Variants in ANKUB1 observed in about 807,000 individuals in gnomAD.
ANKUB1 encodes protein ANKUB1.
Under a neutral mutation model 49.3 loss-of-function variants are expected in ANKUB1, and 42 were observed. The observed-to-expected ratio is 0.85, with a 90% CI of 0.67 to 1.10. The LOEUF (loss-of-function observed/expected upper bound fraction) is 1.10. Ranked by LOEUF, ANKUB1 falls within the 50% of genes least tolerant of loss-of-function variation. ANKUB1 has a pLI of 0.00. For missense variants in ANKUB1, 613 were observed against 642.0 expected (o/e 0.95, Z 0.49); for synonymous variants, 222 against 231.0 (o/e 0.96, Z 0.35).
chr3:149,770,003 C>CT (rs1717256611), intron 4 of ANKUB1, among the ~76,000 whole-genome samples: 1 of 152,114 alleles, frequency 6.6e-6, no homozygotes, highest in Non-Finnish European at 1.5e-5. Flanking sequence ...CCCTTCTCCT[C>CT]TTTCTCCCCC....
rs1716775565 is a variant in ANKUB1, at chr3:149,761,363, A to G, written c.*121T>C. ...GGTGTTAAATATCCTATTAAAAGTT[A>G]TGTGGCATTATAACTGTTACTAGAG... On this transcript the variant is annotated 3_prime_UTR_variant, in exon 6 of 6. Coordinates refer to ENST00000446160, the MANE Select transcript of ANKUB1 (RefSeq NM_001144960.3). The G allele has an allele frequency of 4.3e-6, 5 of 1,172,338 alleles. No individual in the cohort carries two copies. The highest frequency in any genetic ancestry group is 5.9e-6 in the Non-Finnish European group (5 of 853,100). 72.6% of individuals were successfully genotyped at this position (1,172,338 alleles called of 1,614,324 possible).
chr3:149,792,472 G>T lies in ANKUB1; in HGVS notation c.-106C>A. Reference sequence around the variant, plus strand: ...ATTAAGGACAAAAATGATAGCCAGAGGCAGCTGTCACTGTCTAGCCTCAAA... The same window carrying T: ...ATTAAGGACAAAAATGATAGCCAGATGCAGCTGTCACTGTCTAGCCTCAAA... On this transcript the variant is annotated 5_prime_UTR_variant, in exon 1 of 6. Transcript: ENST00000446160. 1.1e-6 allele frequency: 1 copy of T among 885,010 alleles called. No individual in the cohort carries two copies. Among genetic ancestry groups the T allele is most frequent in the Non-Finnish European group, 1.6e-6 (1 of 612,426 alleles). The allele number at this position is 885,010 out of a possible 1,614,324, so 54.8% of individuals were successfully genotyped here.
intron 3 of ANKUB1, 108 bp downstream of exon 3, chr3:149,780,131 T>C (rs1401619925): frequency 2.4e-6 from 2 of 837,186 alleles, no homozygotes; most frequent in Non-Finnish European, 3.8e-6. Flanking sequence ...AGTTAACAGA[T>C]TGTATATGAA....
chr3:149,765,624 G>A (rs973154978), intron 5 of ANKUB1, among the ~76,000 whole-genome samples: 1 of 151,804 alleles, frequency 6.6e-6, no homozygotes, highest in African/African-American at 2.4e-5. Context: ...CACAGCACTG[G>A]GCTATAGTAA....
chr3:149,776,796 A>G (rs569017522), intron 3 of ANKUB1, among the ~76,000 whole-genome samples: 13 of 129,736 alleles, frequency 1.0e-4, no homozygotes, highest in Admixed American at 2.4e-4. Context: ...CCCTGTCTCT[A>G]TAAAAAATAC....
chr3:149,782,288 G>C (rs1384425680), intron 2 of ANKUB1, among the ~76,000 whole-genome samples: 1 of 151,888 alleles, frequency 6.6e-6, no homozygotes, highest in East Asian at 1.9e-4. Context: ...AGAGTCTAGG[G>C]CTCACTATGT....
Position 149,767,260 on chromosome 3 carries a change from T to C in ANKUB1, c.1402A>G (p.Thr468Ala). The stretch of plus-strand genomic sequence containing the variant: ...TTCAGTAAAAAGTCAGCACTGGGTG[T>C]TGCATAGAAAAACGATGGATGTGAA... ...GYSHPSFFYA[T>A]PSADFLLKSS... The change falls in exon 5 of 6, where the codon ACA (threonine) becomes GCA (alanine). Residue 468 changes from threonine to alanine, a missense_variant. Thr to Ala is a moderately conservative substitution (Grantham distance 58). Coordinates refer to ENST00000446160, the MANE Select transcript of ANKUB1 (RefSeq NM_001144960.3). The C allele has an allele frequency of 6.4e-7, 1 of 1,551,678 alleles. No individual in the cohort carries two copies. The highest frequency in any genetic ancestry group is 8.7e-7 in the Non-Finnish European group (1 of 1,146,980).
At chr3:149,772,958 G>A (rs1301329117) in intron 3 of ANKUB1, among the ~76,000 whole-genome samples, 5 of 152,156 alleles carry the variant, frequency 3.3e-5, no homozygotes, top group African/African-American at 1.2e-4. Context: ...GAAAGGTGAA[G>A]ATAGATCTTA....
intron 2 of ANKUB1, chr3:149,783,249 A>T (rs1194028186): frequency 6.6e-6 from 1 of 152,166 alleles, no homozygotes; most frequent in Non-Finnish European, 1.5e-5. Context: ...AGGCATCTCT[A>T]CCTCTCTGTC....
chr3:149,788,826 G>T (rs959415790), intron 2 of ANKUB1, among the ~76,000 whole-genome samples: 1 of 151,978 alleles, frequency 6.6e-6, no homozygotes, highest in African/African-American at 2.4e-5. Flanking sequence ...ACCTAGGCTG[G>T]AGTACAGTGG....
Position 149,767,633 on chromosome 3 carries a change from A to C in ANKUB1, c.1029T>G (p.Val343=). ...FCGARVFGAK[V]GDTVMVDGFT... ...AACCATCCACCATCACAGTGTCTCC[A>C]ACTTTTGCCCCAAAGACCCTTGCTC... The change falls in exon 5 of 6, where the codon GTT becomes GTG. Residue 343 remains valine, a synonymous_variant. Coordinates refer to ENST00000446160, the MANE Select transcript of ANKUB1 (RefSeq NM_001144960.3). 6.4e-7 allele frequency: 1 copy of C among 1,551,676 alleles called. No individual in the cohort carries two copies. Among genetic ancestry groups the C allele is most frequent in the Non-Finnish European group, 8.7e-7 (1 of 1,146,982 alleles).
In ANKUB1 at chr3:149,768,020, C is replaced by G; in HGVS notation, c.642G>C (p.Gln214His). The G allele has an allele frequency of 1.3e-6, 2 of 1,488,684 alleles. No individual in the cohort carries two copies. Among genetic ancestry groups the G allele is most frequent in the Non-Finnish European group, 1.8e-6 (2 of 1,113,376 alleles). The allele number at this position is 1,488,684 out of a possible 1,614,324, so 92.2% of individuals were successfully genotyped here. A position where few individuals can be genotyped will look rare whatever the true frequency, so the allele number is the denominator to read the frequency against. The part of the protein sequence containing the change: ...YIELTEWALK[Q>H]GARPHEAVGV... ...CGACTGCCTCGTGGGGCCGCGCACC[C>G]TGCTTCAGGGCCCATTCAGTGAGTT... The change falls in exon 5 of 6, where the codon CAG (glutamine) becomes CAC (histidine). Residue 214 changes from glutamine (Q) to histidine (H), a missense_variant. Coordinates refer to ENST00000446160, the MANE Select transcript of ANKUB1 (RefSeq NM_001144960.3).
chr3:149,776,547 TA>T (rs34882984), intron 3 of ANKUB1, among the ~76,000 whole-genome samples: 5 of 151,974 alleles, frequency 3.3e-5, no homozygotes, highest in African/African-American at 1.2e-4. Context: ...GTAACTTTTT[TA>T]AAAAAAAGTA....
At chr3:149,766,361 C>G (rs1717012665) in intron 5 of ANKUB1, among the ~76,000 whole-genome samples, 1 of 152,182 alleles carries the variant, frequency 6.6e-6, no homozygotes, top group Non-Finnish European at 1.5e-5. Context: ...TTCCCATTTT[C>G]ATTACCATTT....
chr3:149,772,137 G>A (rs1315002595), intron 3 of ANKUB1, among the ~76,000 whole-genome samples: 1 of 150,320 alleles, frequency 6.7e-6, no homozygotes, highest in Non-Finnish European at 1.5e-5. Flanking sequence ...TGATTCTCCT[G>A]CCTCACCCTC....
chr3:149,767,081 C>A lies in ANKUB1; in HGVS notation c.1505+76G>T, dbSNP rs544996413. 778 of 1,317,978 alleles carry A rather than the reference C, an allele frequency of 5.9e-4. 2 individuals are homozygous for A. The highest frequency in any genetic ancestry group is 5.1e-3 in the Middle Eastern group (25 of 4,872). 81.6% of individuals were successfully genotyped at this position (1,317,978 alleles called of 1,614,324 possible). A position where few individuals can be genotyped will look rare whatever the true frequency, so the allele number is the denominator to read the frequency against. ...TATTACTTTCAGTGGCATAGTAGGG[C>A]ATTATGGACCATTCCTTATCCTGGA... On this transcript the variant is annotated intron_variant, in intron 5 of 5. Transcript: ENST00000446160.
chr3:149,787,165 G>C (rs182273317), intron 2 of ANKUB1, among the ~76,000 whole-genome samples: 1 of 152,160 alleles, frequency 6.6e-6, no homozygotes, highest in Admixed American at 6.5e-5. Context: ...ACCTTGGGCT[G>C]TATGGCCATT....
At chr3:149,790,653 T>G in intron 2 of ANKUB1, 128 bp downstream of exon 2, 1 of 897,432 alleles carries the variant, frequency 1.1e-6, no homozygotes, top group Non-Finnish European at 1.7e-6. Flanking sequence ...GTTATACAAA[T>G]GGAAGTGAGG....
intron 3 of ANKUB1, chr3:149,779,962 A>T: frequency 2.5e-6 from 1 of 405,760 alleles, no homozygotes; most frequent in East Asian, 4.3e-5. Context: ...AATGGTTTTG[A>T]TTGTAAATCT....
Sources: gnomAD v4.1 joint callset for allele counts (sites outside exome capture counted in the v4.1 genomes callset) on GRCh38, gnomAD v4.1.1 for gene constraint, MANE v1.5 for transcripts, NCBI Gene and HGNC (gene_info 2026-07-23, HGNC 2026-07-21) for gene names.